INSYN2B: variants seen among roughly 807,000 people sequenced by gnomAD.
INSYN2B encodes protein INSYN2B.
INSYN2B carries 16 observed loss-of-function variants against 41.2 expected under a neutral mutation model. That is an observed-to-expected ratio of 0.39 (90% confidence interval 0.26 to 0.59). The LOEUF (loss-of-function observed/expected upper bound fraction) is 0.59. Among genes scored for constraint, INSYN2B ranks in the 20% least tolerant of loss-of-function variants. The pLI is 0.57. For synonymous variants in INSYN2B, 245 were observed against 244.4 expected, an observed-to-expected ratio of 1.00 and a Z score of -0.02; for missense variants, 608 against 646.4, an observed-to-expected ratio of 0.94 and a Z score of 0.64.
At chr5:169,878,527 A>C (rs1444149506) in intron 3 of INSYN2B, among the ~76,000 whole-genome samples, 2 of 152,250 alleles carry the variant, frequency 1.3e-5, no homozygotes, top group African/African-American at 4.8e-5. Context: ...GGGCTGTGAA[A>C]CTGAGACCTG....
At position 169,864,191 on chromosome 5, in the gene INSYN2B, C is replaced by T; in HGVS notation, c.*82G>A. 1 of 1,249,968 alleles carries T rather than the reference C, an allele frequency of 8.0e-7. No individual in the cohort carries two copies. 77.4% of individuals were successfully genotyped at this position (1,249,968 alleles called of 1,614,324 possible). A position where few individuals can be genotyped will look rare whatever the true frequency, so the allele number is the denominator to read the frequency against. On this transcript the variant is annotated 3_prime_UTR_variant, in exon 4 of 4. Coordinates refer to ENST00000377365, the MANE Select transcript of INSYN2B (RefSeq NM_001129891.3). Reference sequence around the variant, plus strand: ...ACAGCCCAGGGCCTTTGCAAAGAAGCAGGGCAGGCCTTAAGTGCAGTGGAT... The same window carrying T: ...ACAGCCCAGGGCCTTTGCAAAGAAGTAGGGCAGGCCTTAAGTGCAGTGGAT...
At chr5:169,928,762 G>C (rs545137937) in intron 1 of INSYN2B, among the ~76,000 whole-genome samples, 1 of 152,310 alleles carries the variant, frequency 6.6e-6, no homozygotes, top group Non-Finnish European at 1.5e-5. Flanking sequence ...ATGAGTGGGT[G>C]GAAGAAAATA....
At chr5:169,942,344 A>C (rs1003652183) in intron 1 of INSYN2B, among the ~76,000 whole-genome samples, 9 of 152,194 alleles carry the variant, frequency 5.9e-5, no homozygotes, top group Non-Finnish European at 8.8e-5. Flanking sequence ...ATTAACTTAG[A>C]GGGAGACTGG....
At chr5:169,919,044 G>A (rs2113644931) in intron 1 of INSYN2B, among the ~76,000 whole-genome samples, 1 of 152,286 alleles carries the variant, frequency 6.6e-6, no homozygotes, top group Admixed American at 6.5e-5. Flanking sequence ...GATTCAATAT[G>A]GTGGTCAAGG....
intron 1 of INSYN2B, among the ~76,000 whole-genome samples, chr5:169,929,383 C>T (rs1258524118): frequency 6.6e-6 from 1 of 151,992 alleles, no homozygotes; most frequent in Non-Finnish European, 1.5e-5. Flanking sequence ...AAGCGAATCC[C>T]GGCAAACGAT....
intron 1 of INSYN2B, among the ~76,000 whole-genome samples, chr5:169,901,445 G>A (rs1248427538): frequency 1.3e-5 from 2 of 152,100 alleles, no homozygotes; most frequent in Non-Finnish European, 2.9e-5. Flanking sequence ...GCATGCATGC[G>A]TGCATGTGTG....
chr5:169,951,553 G>A (rs1776666045), intron 1 of INSYN2B, among the ~76,000 whole-genome samples: 1 of 152,144 alleles, frequency 6.6e-6, no homozygotes, highest in Admixed American at 6.5e-5. Context: ...CACCTGCCTT[G>A]GATCACACCC....
intron 1 of INSYN2B, among the ~76,000 whole-genome samples, chr5:169,936,229 G>A (rs551285310): frequency 6.6e-5 from 10 of 152,310 alleles, no homozygotes; most frequent in East Asian, 3.9e-4. Flanking sequence ...AGGCCCAAGC[G>A]TGATAACACT....
In INSYN2B at chr5:169,971,719, C is replaced by T. The variant is rs147622744; in HGVS notation, c.-919+8558G>A. 2.6e-3 allele frequency among the ~76,000 whole-genome samples: 402 copies of T among 152,320 alleles called. 2 individuals carry two copies. The highest frequency in any genetic ancestry group is 4.3e-3 in the Non-Finnish European group (292 of 68,040). On this transcript the variant is annotated intron_variant, in intron 1 of 3. Coordinates refer to ENST00000377365, the MANE Select transcript of INSYN2B (RefSeq NM_001129891.3). ...CTCAAGACCTCGTCAGCAGAGCTGGCCTGAAGGCAACACAGTAGGCAGGTG... is the reference window on the plus strand; with the variant it reads ...CTCAAGACCTCGTCAGCAGAGCTGGTCTGAAGGCAACACAGTAGGCAGGTG...
At chr5:169,955,387 A>G (rs1272077964) in intron 1 of INSYN2B, among the ~76,000 whole-genome samples, 1 of 151,746 alleles carries the variant, frequency 6.6e-6, no homozygotes, top group Non-Finnish European at 1.5e-5. Flanking sequence ...GTGTTAAAGG[A>G]AGGGAGAGAG....
rs1280336930 is a variant in INSYN2B, at chr5:169,883,378, A to T, written c.521T>A (p.Val174Asp). 1 of 1,551,516 alleles carries T rather than the reference A, an allele frequency of 6.4e-7. No homozygotes were observed. ...VKVSHAFLPR[V>D]PKVQSNGPVS... ...AGGACCATTGCTTTGCACCTTGGGG[A>T]CCCTTGGGAGGAATGCATGGGACAC... Residue 174 changes from valine to aspartate, a missense_variant, in exon 2 of 4, where the codon GTC (valine) becomes GAC (aspartate). Coordinates refer to ENST00000377365, the MANE Select transcript of INSYN2B (RefSeq NM_001129891.3).
At chr5:169,886,176 G>A (rs1417048789) in intron 1 of INSYN2B, among the ~76,000 whole-genome samples, 1 of 152,020 alleles carries the variant, frequency 6.6e-6, no homozygotes, top group East Asian at 1.9e-4. Flanking sequence ...TTTATTAGTG[G>A]CGTGAGAACA....
intron 1 of INSYN2B, among the ~76,000 whole-genome samples, chr5:169,933,073 C>T (rs1203288449): frequency 6.6e-6 from 1 of 152,238 alleles, no homozygotes; most frequent in African/African-American, 2.4e-5. Context: ...TCCACCTATC[C>T]TACAGTCGTT....
intron 1 of INSYN2B, among the ~76,000 whole-genome samples, chr5:169,942,149 T>G (rs535732751): frequency 6.6e-6 from 1 of 152,248 alleles, no homozygotes; most frequent in African/African-American, 2.4e-5. Context: ...ATTAAGATGT[T>G]GACACCTGAG....
intron 1 of INSYN2B, among the ~76,000 whole-genome samples, chr5:169,898,675 A>G (rs1773753858): frequency 6.6e-6 from 1 of 152,222 alleles, no homozygotes; most frequent in Non-Finnish European, 1.5e-5. Flanking sequence ...CAAGGGTTAG[A>G]CAGTAAATAT....
intron 1 of INSYN2B, among the ~76,000 whole-genome samples, chr5:169,966,949 T>C (rs1777323094): frequency 6.6e-6 from 1 of 152,380 alleles, no homozygotes; most frequent in South Asian, 2.1e-4. Context: ...ACACATGCTA[T>C]GTAGATAGCT....
rs1348594473 is a variant in INSYN2B, at chr5:169,864,345, G to A, written c.1536C>T (p.Pro512=). The A allele has an allele frequency of 2.4e-5, 38 of 1,551,418 alleles. No homozygotes were observed. The highest frequency in any genetic ancestry group is 3.2e-5 in the Non-Finnish European group (37 of 1,146,932). ...ASPPPKSPAE[P]PAPEKQDLRR... ...TTAAGTCCTGCTTTTCCGGGGCTGG[G>A]GGTTCTGCTGGGGACTTTGGTGGGG... The change falls in exon 4 of 4, where the codon CCC becomes CCT. Residue 512 remains proline (P), a synonymous_variant. Coordinates refer to ENST00000377365, the MANE Select transcript of INSYN2B (RefSeq NM_001129891.3).
Position 169,880,683 on chromosome 5 carries a change from A to G in INSYN2B, c.1421+685T>C, listed in dbSNP as rs571021584. Among the ~76,000 whole-genome samples the G allele has an allele frequency of 5.3e-4, 80 of 152,218 alleles. 1 individual carries two copies. The highest frequency in any genetic ancestry group is 1.1e-3 in the Non-Finnish European group (77 of 68,040). ...TATTATTTCATTTGGTCTTCATGGC[A>G]ACTCTGAATAGGGATAATTGTTCCC... On this transcript the variant is annotated intron_variant, in intron 3 of 3. Transcript: ENST00000377365.
chr5:169,966,353 C>T (rs1365071651), intron 1 of INSYN2B, among the ~76,000 whole-genome samples: 1 of 152,104 alleles, frequency 6.6e-6, no homozygotes, highest in East Asian at 1.9e-4. Flanking sequence ...CTTAGCTGTG[C>T]CTGTGTAGCT....
Sources: gnomAD v4.1 joint callset for allele counts (sites outside exome capture counted in the v4.1 genomes callset) on GRCh38, gnomAD v4.1.1 for gene constraint, MANE v1.5 for transcripts, NCBI Gene and HGNC (gene_info 2026-07-23, HGNC 2026-07-21) for gene names.